The following CDH8 variants were observed in gnomAD, a reference collection of about 807,000 sequenced individuals.
CDH8 encodes the protein cadherin 8.
Under a neutral mutation model 68.1 loss-of-function variants are expected in CDH8, and 17 were observed. That is an observed-to-expected ratio of 0.25 (90% CI 0.17 to 0.37). The LOEUF is 0.37. Among genes scored for constraint, CDH8 ranks in the 10% least tolerant of loss-of-function variants. The pLI is 1.00. For synonymous variants in CDH8, 372 were observed against 365.1 expected (o/e 1.02, Z -0.21); for missense variants, 763 against 999.3 (o/e 0.76, Z 3.19).
intron 8 of CDH8, among the ~76,000 whole-genome samples, chr16:61,746,488 C>T (rs2142936404): frequency 6.6e-6 from 1 of 151,472 alleles, no homozygotes; most frequent in East Asian, 1.9e-4. Context: ...TATGGTTGTT[C>T]TCCATGGGAG....
At chr16:61,817,757 T>C (rs1962114631) in intron 6 of CDH8, 25 bp from the exon 7 acceptor site, 1 of 1,534,490 alleles carries the variant, frequency 6.5e-7, no homozygotes, top group Admixed American at 2.1e-5. Flanking sequence ...CAAAGATAAA[T>C]GCTTCTCACT....
At chr16:61,910,587 G>A (rs972614636) in intron 2 of CDH8, among the ~76,000 whole-genome samples, 2 of 152,000 alleles carry the variant, frequency 1.3e-5, no homozygotes, top group African/African-American at 4.8e-5. Flanking sequence ...TTCCTTATTT[G>A]CAAGATAGTT....
chr16:61,726,867 T>C, intron 9 of CDH8: 1 of 520,092 alleles, frequency 1.9e-6, no homozygotes, highest in East Asian at 3.0e-5. Context: ...TCTGGGTTTG[T>C]GGCACAGCAG....
At chr16:61,808,911 C>A (rs544336161) in intron 7 of CDH8, among the ~76,000 whole-genome samples, 2 of 152,222 alleles carry the variant, frequency 1.3e-5, no homozygotes, top group African/African-American at 4.8e-5. Context: ...CTAGACCAGG[C>A]GCAGTGGCTA....
At chr16:61,776,839 A>G (rs1482246914) in intron 8 of CDH8, among the ~76,000 whole-genome samples, 2 of 152,096 alleles carry the variant, frequency 1.3e-5, no homozygotes, top group African/African-American at 4.8e-5. Context: ...GCACCAACAC[A>G]TTCCCCATTG....
chr16:61,769,555 A>C (rs1407982389), intron 8 of CDH8, among the ~76,000 whole-genome samples: 1 of 151,888 alleles, frequency 6.6e-6, no homozygotes, highest in Non-Finnish European at 1.5e-5. Flanking sequence ...CAAAAAAAAA[A>C]AACTTAGTAG....
intron 5 of CDH8, among the ~76,000 whole-genome samples, chr16:61,823,127 T>C (rs965744335): frequency 6.6e-6 from 1 of 151,974 alleles, no homozygotes; most frequent in Admixed American, 6.6e-5. Context: ...GGTTGCATTG[T>C]TGTCTGATTT....
intron 8 of CDH8, among the ~76,000 whole-genome samples, chr16:61,753,756 T>C (rs990579311): frequency 2.6e-4 from 39 of 152,204 alleles, no homozygotes; most frequent in African/African-American, 7.9e-4. Context: ...AATCCAGTTA[T>C]TGGGGCCAAA....
intron 8 of CDH8, among the ~76,000 whole-genome samples, chr16:61,773,401 A>AC (rs1960827299): frequency 6.6e-6 from 1 of 152,102 alleles, no homozygotes; most frequent in African/African-American, 2.4e-5. Flanking sequence ...TTAAGTGCTC[A>AC]CCTCTTAATG....
chr16:61,675,506 G>A (rs1422463357), intron 10 of CDH8, among the ~76,000 whole-genome samples: 4 of 148,886 alleles, frequency 2.7e-5, no homozygotes, highest in East Asian at 2.0e-4. Flanking sequence ...GCTAGATGAC[G>A]AGTTAGTGGG....
At chr16:61,845,520 A>AC (rs1962789074) in intron 4 of CDH8, among the ~76,000 whole-genome samples, 1 of 151,692 alleles carries the variant, frequency 6.6e-6, no homozygotes, top group African/African-American at 2.4e-5. Context: ...AAAAAAAAAA[A>AC]AACTATCTAA....
chr16:62,020,634 T>A (rs1435734128), intron 2 of CDH8, among the ~76,000 whole-genome samples: 1 of 152,206 alleles, frequency 6.6e-6, no homozygotes, highest in Non-Finnish European at 1.5e-5. Flanking sequence ...GTTAAGCATC[T>A]ACTTTAAGAA....
At position 61,874,151 on chromosome 16, in the gene CDH8, C is replaced by T. The variant is rs542882110; in HGVS notation, c.548-16913G>A. Among the ~76,000 whole-genome samples, 5 of 151,810 alleles carry T rather than the reference C, an allele frequency of 3.3e-5. No individual in the cohort carries two copies. In the South Asian group the frequency reaches 1.0e-3, roughly 32 times the overall value. On this transcript the variant is annotated intron_variant, in intron 3 of 11. Coordinates refer to ENST00000577390, the MANE Select transcript of CDH8 (RefSeq NM_001796.5). ...AATATGAGAGTTCTCATCTCATGTA[C>T]CCCCAAAATATATATACCTACTATG...
rs1256021202 is a variant in CDH8 at position 61,860,149 on chromosome 16, C to T, written c.548-2911G>A. Among the ~76,000 whole-genome samples the T allele has an allele frequency of 6.6e-5, 10 of 152,148 alleles. No individual in the cohort carries two copies. In the East Asian group the frequency reaches 1.9e-3, roughly 29 times the overall value. Reference sequence around the variant, plus strand: ...AGCCACCTTTCAGTGCCTGATTAGGCACCTTTATAAAAGAGCTTAACAGAG... The same window carrying T: ...AGCCACCTTTCAGTGCCTGATTAGGTACCTTTATAAAAGAGCTTAACAGAG... On this transcript the variant is annotated intron_variant, in intron 3 of 11. Coordinates refer to ENST00000577390, the MANE Select transcript of CDH8 (RefSeq NM_001796.5).
intron 2 of CDH8, among the ~76,000 whole-genome samples, chr16:61,999,629 G>T (rs2150595486): frequency 6.6e-6 from 1 of 152,156 alleles, no homozygotes; most frequent in East Asian, 1.9e-4. Context: ...ATGAGATAAT[G>T]GGTGTAAAGT....
In CDH8 at chr16:61,647,565, G is replaced by A. The variant is rs145548212; in HGVS notation, c.*6043C>T. On this transcript the variant is annotated 3_prime_UTR_variant, in exon 12 of 12. Transcript: ENST00000577390. Reference sequence around the variant, plus strand: ...CTTATTTGTGAGGGATCATAGGATGGCCTGAAGTTCTTTGCATGTACAGAA... The same window carrying A: ...CTTATTTGTGAGGGATCATAGGATGACCTGAAGTTCTTTGCATGTACAGAA... 3.7e-3 allele frequency: 1,827 copies of A among 493,314 alleles called. 35 individuals are homozygous for A. Among genetic ancestry groups the A allele is most frequent in the African/African-American group, 0.033 (1,641 of 50,368 alleles). 30.6% of individuals were successfully genotyped at this position (493,314 alleles called of 1,614,324 possible).
At chr16:61,855,675 C>A (rs779234134) in intron 4 of CDH8, among the ~76,000 whole-genome samples, 6 of 152,150 alleles carry the variant, frequency 3.9e-5, no homozygotes, top group Non-Finnish European at 8.8e-5. Context: ...GCATCTAACA[C>A]ATTTCTGTCT....
intron 2 of CDH8, among the ~76,000 whole-genome samples, chr16:61,938,453 A>AT (rs571373373): frequency 7.9e-5 from 12 of 152,248 alleles, no homozygotes; most frequent in African/African-American, 2.9e-4. Context: ...ATATACAGCT[A>AT]TTTTTTGTTT....
intron 8 of CDH8, among the ~76,000 whole-genome samples, chr16:61,776,457 T>G (rs72798719): frequency 6.6e-6 from 1 of 152,262 alleles, no homozygotes; most frequent in Non-Finnish European, 1.5e-5. Context: ...ACTTTGGTTT[T>G]GGATGAAGAA....
Sources: allele counts gnomAD v4.1 joint callset (sites outside exome capture counted in the v4.1 genomes callset), GRCh38; gene constraint gnomAD v4.1.1; transcripts MANE v1.5; gene names NCBI Gene and HGNC (gene_info 2026-07-23, HGNC 2026-07-21).